C4orf50: variants seen among roughly 807,000 people sequenced by gnomAD.
C4orf50 encodes chromosome 4 open reading frame 50.
Under a neutral mutation model 77.2 loss-of-function variants are expected in C4orf50, and 80 were observed. That is an observed-to-expected ratio of 1.04 (90% confidence interval 0.87 to 1.25). C4orf50 has a LOEUF of 1.25. Among genes scored for constraint, C4orf50 ranks in the 50% most tolerant of loss-of-function variants. The pLI is 0.00. For missense variants in C4orf50, 1,257 were observed against 1,152.9 expected (o/e 1.09, Z -1.31); for synonymous variants, 532 against 465.3 (o/e 1.14, Z -1.84).
rs111424462 is a variant in C4orf50 at position 5,973,558 on chromosome 4, G to C, written c.4104+101C>G. ...CTTGGGTAGTGTCCGCGGTGGGAGGGAGGGAGGAAAGGAGGGGCTGCTCCA... is the reference window on the plus strand; with the variant it reads ...CTTGGGTAGTGTCCGCGGTGGGAGGCAGGGAGGAAAGGAGGGGCTGCTCCA... On this transcript the variant is annotated intron_variant, in intron 31 of 33. Transcript: ENST00000531445. The C allele has an allele frequency of 1.5e-3, 1,448 of 991,914 alleles. 29 individuals carry two copies. The highest frequency in any genetic ancestry group is 3.0e-4 in the Non-Finnish European group (196 of 652,726). 61.4% of individuals were successfully genotyped at this position (991,914 alleles called of 1,614,324 possible).
At chr4:5,990,557 C>T in exon 28 of C4orf50, 1 of 399,078 alleles carries the variant, frequency 2.5e-6, no homozygotes, top group Non-Finnish European at 4.4e-6. Context: ...GACCTGGTGG[C>T]CAACTCTTCT....
exon 28 of C4orf50, chr4:5,990,280 A>C: frequency 1.0e-4 from 120 of 1,190,876 alleles, no homozygotes; most frequent in Non-Finnish European, 1.2e-4. Context: ...CTCCAAGCTC[A>C]GGTTCTGATG....
intron 25 of C4orf50, among the ~76,000 whole-genome samples, chr4:5,998,860 C>A (rs570723473): frequency 6.6e-6 from 1 of 152,330 alleles, no homozygotes; most frequent in South Asian, 2.1e-4. Flanking sequence ...TGCAGATAAA[C>A]CACGTTTGTC....
intron 7 of C4orf50, among the ~76,000 whole-genome samples, chr4:5,944,359 C>T (rs1209272932): frequency 1.3e-5 from 2 of 152,230 alleles, no homozygotes; most frequent in African/African-American, 4.8e-5. Context: ...CTGTCTCATT[C>T]TCTCTCTCCT....
At chr4:5,996,189 C>T (rs895023109) in intron 25 of C4orf50, among the ~76,000 whole-genome samples, 10 of 152,322 alleles carry the variant, frequency 6.6e-5, no homozygotes, top group Middle Eastern at 3.4e-3. Flanking sequence ...GTGCTCTCCC[C>T]GGCCTCTGCA....
intron 7 of C4orf50, among the ~76,000 whole-genome samples, chr4:5,913,412 A>AGG (rs368808021): frequency 6.6e-6 from 1 of 152,202 alleles, no homozygotes; most frequent in South Asian, 2.1e-4. Flanking sequence ...GAGGGTAGTG[A>AGG]GGGTCAGAGA....
chr4:5,938,472 T>A (rs1718126794), intron 7 of C4orf50, among the ~76,000 whole-genome samples: 1 of 152,162 alleles, frequency 6.6e-6, no homozygotes, highest in Non-Finnish European at 1.5e-5. Context: ...GGAGGGGCCC[T>A]CTGATCTAAG....
chr4:5,980,251 G>C, exon 29 of C4orf50: 1 of 1,612,758 alleles, frequency 6.2e-7, no homozygotes, highest in Non-Finnish European at 8.5e-7. Context: ...TCCCTGAGCT[G>C]GCACTGCAGG....
Position 5,919,336 on chromosome 4 carries a change from G to A in C4orf50, c.*2475-21148C>T, listed in dbSNP as rs1443160374. Among the ~76,000 whole-genome samples, 1 of 151,886 alleles carries A rather than the reference G, an allele frequency of 6.6e-6. No homozygotes were observed. The highest frequency in any genetic ancestry group is 2.4e-5 in the African/African-American group (1 of 41,344). Reference sequence around the variant, plus strand: ...AGGTTCTAGAAGTCTGGATGAACTGGCGTGGAGTGTGTATCACCTTCCAGG... The same window carrying A: ...AGGTTCTAGAAGTCTGGATGAACTGACGTGGAGTGTGTATCACCTTCCAGG... On this transcript the variant is annotated intron_variant, in intron 7 of 7. Transcript: ENST00000324058. This position sits in a 1 kb window ranked among gnomAD's most constrained non-coding sequence, Gnocchi z 6.5.
rs139813277 is a variant in C4orf50 at position 6,010,330 on chromosome 4, T to A, written c.426+1500A>T. On this transcript the variant is annotated intron_variant, in intron 24 of 33. Transcript: ENST00000531445. ...AGTTCAGTATAAAGGGGAAAAAAAT[T>A]CCACTAGGATATCTCCCTGGCATCT... Among the ~76,000 whole-genome samples, 684 of 152,238 alleles carry A rather than the reference T, an allele frequency of 4.5e-3. 10 individuals are homozygous for A. Among genetic ancestry groups the A allele is most frequent in the African/African-American group, 0.016 (656 of 41,536 alleles).
Position 6,011,978 on chromosome 4 carries a change from G to A in C4orf50, c.288-10C>T. ...CTCCAGCTCCTGAATTCTGCAGCAT[G>A]AAAAGCAGGGAGGCACTTGCTCAGG... On this transcript the variant is annotated splice_polypyrimidine_tract_variant and intron_variant, in intron 23 of 33. Coordinates refer to ENST00000531445, the Ensembl canonical transcript of C4orf50. The surrounding 1 kb of genome is among the most constrained non-coding windows in gnomAD (Gnocchi z 4.2). The A allele has an allele frequency of 5.0e-6, 2 of 399,088 alleles. No individual in the cohort carries two copies. Among genetic ancestry groups the A allele is most frequent in the East Asian group, 7.1e-5 (2 of 28,078 alleles). 24.7% of individuals were successfully genotyped at this position (399,088 alleles called of 1,614,324 possible). A position where few individuals can be genotyped will look rare whatever the true frequency, so the allele number is the denominator to read the frequency against.
chr4:5,991,519 T>C (rs541123284), intron 27 of C4orf50, among the ~76,000 whole-genome samples: 12 of 152,160 alleles, frequency 7.9e-5, no homozygotes, highest in Non-Finnish European at 1.8e-4. Flanking sequence ...TATCTTCACT[T>C]ATGTGATGTG....
chr4:5,999,968 G>A (rs1176336133), intron 25 of C4orf50, among the ~76,000 whole-genome samples: 1 of 152,130 alleles, frequency 6.6e-6, no homozygotes, highest in Non-Finnish European at 1.5e-5. Context: ...GTGGCATATG[G>A]GGGACTGAGC....
At chr4:5,910,745 T>A (rs935199227) in intron 7 of C4orf50, among the ~76,000 whole-genome samples, 1 of 152,110 alleles carries the variant, frequency 6.6e-6, no homozygotes, top group Non-Finnish European at 1.5e-5. Context: ...TTTTTGGTGT[T>A]TGAGGGGAAA....
intron 24 of C4orf50, among the ~76,000 whole-genome samples, chr4:6,010,644 T>C (rs1156332874): frequency 1.3e-5 from 2 of 152,134 alleles, no homozygotes; most frequent in African/African-American, 4.8e-5. Context: ...CACAGATGGG[T>C]TGCAACCTGC....
chr4:5,961,913 C>A (rs1003835360), intron 33 of C4orf50, among the ~76,000 whole-genome samples: 3 of 152,162 alleles, frequency 2.0e-5, no homozygotes, highest in Non-Finnish European at 4.4e-5. Context: ...CCTCATTTTC[C>A]TTGTAGGTCA....
At chr4:5,926,027 G>C (rs763846277) in intron 7 of C4orf50, among the ~76,000 whole-genome samples, 1 of 152,220 alleles carries the variant, frequency 6.6e-6, no homozygotes, top group Non-Finnish European at 1.5e-5. Context: ...GCGGAGCCAC[G>C]CACAGATCCA....
In C4orf50 at chr4:5,905,761, A is replaced by C. The variant is rs915219081; in HGVS notation, c.*2475-7573T>G. Among the ~76,000 whole-genome samples, 10 of 152,258 alleles carry C rather than the reference A, an allele frequency of 6.6e-5. No individual in the cohort carries two copies. The highest frequency in any genetic ancestry group is 1.3e-4 in the Non-Finnish European group (9 of 68,054). ...TCTGTAGAGAGGGTTTCTAGCTTTC[A>C]GGAGCCTCTCAAAGGGGCCAATGGC... On this transcript the variant is annotated intron_variant, in intron 7 of 7. Coordinates refer to the C4orf50 transcript ENST00000324058. This position sits in a 1 kb window ranked among gnomAD's most constrained non-coding sequence, Gnocchi z 5.4.
At chr4:5,925,623 C>T (rs1717481557) in intron 7 of C4orf50, among the ~76,000 whole-genome samples, 1 of 152,248 alleles carries the variant, frequency 6.6e-6, no homozygotes, top group Admixed American at 6.5e-5. Flanking sequence ...TCTATGGCAA[C>T]CTGCCTCTCC....
Sources: allele counts gnomAD v4.1 joint callset (sites outside exome capture counted in the v4.1 genomes callset), GRCh38; gene constraint gnomAD v4.1.1; non-coding constraint Gnocchi (gnomAD v3.1); transcripts MANE v1.5; gene names NCBI Gene and HGNC (gene_info 2026-07-23, HGNC 2026-07-21).